MX2: variants seen among roughly 807,000 people sequenced by gnomAD.
MX2 encodes the protein interferon-induced GTP-binding protein Mx2.
MX2 carries 51 observed loss-of-function variants against 74.0 expected under a neutral mutation model. That is an observed-to-expected ratio of 0.69 (90% confidence interval 0.55 to 0.87). The LOEUF (loss-of-function observed/expected upper bound fraction) is 0.87. MX2 is among the 40% of genes least tolerant of loss of function. The pLI, the probability that MX2 is intolerant of heterozygous loss-of-function variation, is 0.00. For synonymous variants in MX2, 369 were observed against 339.3 expected (o/e 1.09, Z -0.96); for missense variants, 832 against 908.7 (o/e 0.92, Z 1.09).
Position 41,380,817 on chromosome 21 carries a change from G to A in MX2, c.577+666G>A, listed in dbSNP as rs907291720. On this transcript the variant is annotated intron_variant, in intron 4 of 13. Coordinates refer to ENST00000330714, the MANE Select transcript of MX2 (RefSeq NM_002463.2). This position sits in a 1 kb window ranked among gnomAD's most constrained non-coding sequence, Gnocchi z 4.3. ...CCCTAGTGGTTACGTCCCTTGGAGTGCACAGCCCTGCCTGCCCCAGGCACT... is the reference window on the plus strand; with the variant it reads ...CCCTAGTGGTTACGTCCCTTGGAGTACACAGCCCTGCCTGCCCCAGGCACT... 5.3e-5 allele frequency among the ~76,000 whole-genome samples: 8 copies of A among 152,320 alleles called. No individual in the cohort carries two copies. Among genetic ancestry groups the A allele is most frequent in the East Asian group, 1.9e-4 (1 of 5,176 alleles).
In MX2 at chr21:41,374,834, G is replaced by T. The variant is rs543637407; in HGVS notation, c.-71-2002G>T. 1.6e-4 allele frequency among the ~76,000 whole-genome samples: 25 copies of T among 152,200 alleles called. No homozygotes were observed. The South Asian group carries it at 5.2e-3, about 32-fold the overall frequency. The stretch of plus-strand genomic sequence containing the variant: ...CTTACCTCTTCTTCATGCCCTTCCT[G>T]GTCCATGGCTGTGTCCTTTATTGTA... On this transcript the variant is annotated intron_variant, in intron 1 of 13. Coordinates refer to ENST00000330714, the MANE Select transcript of MX2 (RefSeq NM_002463.2).
chr21:41,372,269 C>T (rs1009698588), intron 1 of MX2, among the ~76,000 whole-genome samples: 6 of 152,184 alleles, frequency 3.9e-5, no homozygotes, highest in Admixed American at 6.5e-5. Flanking sequence ...GCATGTAAAA[C>T]TTAATTTACC....
At chr21:41,394,938 A>AAGAGAGAG (rs372983367) in intron 6 of MX2, among the ~76,000 whole-genome samples, 1 of 148,268 alleles carries the variant, frequency 6.7e-6, no homozygotes, top group African/African-American at 2.5e-5. Context: ...TCAAAAAAGA[A>AAGAGAGAG]AGAGAGAGAG....
chr21:41,399,393 G>C (rs1230044878), intron 10 of MX2, 56 bp downstream of exon 10: 2 of 1,553,964 alleles, frequency 1.3e-6, no homozygotes, highest in Admixed American at 1.8e-5. Context: ...CAGACCAGAG[G>C]CTATGTCCAG....
Position 41,380,163 on chromosome 21 carries a change from TC to T in MX2, c.577+13del, listed in dbSNP as rs1186109393. The T allele has an allele frequency of 6.2e-7, 1 of 1,613,476 alleles. No individual in the cohort carries two copies. Among genetic ancestry groups the T allele is most frequent in the Admixed American group, 1.7e-5 (1 of 59,920 alleles). The stretch of plus-strand genomic sequence containing the variant: ...AGAGATACACAAAGGTGGGCCCACG[TC>T]ATTCTGAGGTTCGGATCTGGCAGCC... On this transcript the variant is annotated intron_variant, in intron 4 of 13. Coordinates refer to ENST00000330714, the MANE Select transcript of MX2 (RefSeq NM_002463.2). This position sits in a 1 kb window ranked among gnomAD's most constrained non-coding sequence, Gnocchi z 4.3.
At chr21:41,386,716 G>A (rs1477793372) in intron 5 of MX2, among the ~76,000 whole-genome samples, 3 of 152,180 alleles carry the variant, frequency 2.0e-5, no homozygotes, top group African/African-American at 7.2e-5. Flanking sequence ...AGCCATTGCT[G>A]GGAATTCCTC....
At chr21:41,398,818 G>T in intron 8 of MX2, 79 bp from the exon 9 acceptor site, 7 of 1,552,224 alleles carry the variant, frequency 4.5e-6, no homozygotes, top group Non-Finnish European at 6.1e-6. Flanking sequence ...GCTTTAAAGG[G>T]CTCCTACTCA....
chr21:41,372,101 T>C (rs758041518), intron 1 of MX2, among the ~76,000 whole-genome samples: 64 of 152,194 alleles, frequency 4.2e-4, no homozygotes, highest in Non-Finnish European at 5.9e-5. Context: ...ATGCTGAGAA[T>C]AGAAAGTCTA....
At chr21:41,369,496 G>A (rs2089296668) in intron 1 of MX2, among the ~76,000 whole-genome samples, 2 of 152,198 alleles carry the variant, frequency 1.3e-5, no homozygotes, top group African/African-American at 2.4e-5. Context: ...ATCTGGGGAT[G>A]AGGCTGGCCG....
intron 11 of MX2, 161 bp from the exon 12 acceptor site, chr21:41,403,106 C>T: frequency 1.7e-6 from 1 of 601,084 alleles, no homozygotes; most frequent in Non-Finnish European, 3.0e-6. Flanking sequence ...GGAATGATGT[C>T]CCACCCTCTC....
At chr21:41,405,074 C>T (rs188726246) in intron 12 of MX2, among the ~76,000 whole-genome samples, 12 of 151,796 alleles carry the variant, frequency 7.9e-5, no homozygotes, top group East Asian at 3.9e-4. Flanking sequence ...TTTGGGAGGC[C>T]GAGGCGGGCA....
intron 5 of MX2, among the ~76,000 whole-genome samples, chr21:41,385,178 G>C (rs2089554487): frequency 6.6e-6 from 1 of 152,204 alleles, no homozygotes; most frequent in Non-Finnish European, 1.5e-5. Context: ...GGCACAAGCA[G>C]CTTAGCTTTT....
chr21:41,393,208 G>GATTATAAT (rs2089687157), intron 6 of MX2, among the ~76,000 whole-genome samples: 1 of 149,714 alleles, frequency 6.7e-6, no homozygotes, highest in Admixed American at 6.6e-5. Flanking sequence ...GAGCAAATTT[G>GATTATAAT]ATTATAATAT....
chr21:41,399,108 G>T lies in MX2; in HGVS notation c.1273-88G>T, dbSNP rs1358564116. On this transcript the variant is annotated intron_variant, in intron 9 of 13. Coordinates refer to ENST00000330714, the MANE Select transcript of MX2 (RefSeq NM_002463.2). ...TTCCCCTTCTTCACCCATGAGATGAGGTGGGCGGGTGGACATCTCCTTGCA... is the reference window on the plus strand; with the variant it reads ...TTCCCCTTCTTCACCCATGAGATGATGTGGGCGGGTGGACATCTCCTTGCA... 32 of 1,594,714 alleles carry T rather than the reference G, an allele frequency of 2.0e-5. 1 individual carries two copies. Among genetic ancestry groups the T allele is most frequent in the Non-Finnish European group, 2.7e-5 (32 of 1,168,112 alleles).
chr21:41,371,966 T>C (rs1387267552), intron 1 of MX2, among the ~76,000 whole-genome samples: 1 of 152,118 alleles, frequency 6.6e-6, no homozygotes. Context: ...TCAGCTTCAG[T>C]GTGTGATTGA....
Position 41,406,851 on chromosome 21 carries a change from T to C in MX2, c.1758T>C (p.Ser586=), listed in dbSNP as rs2089892804. ...TTTTTTGTCAAGATCAGATTTACAG[T>C]GTTGTTCTGAAGAAAGTCCGAGAAG... is the stretch of plus-strand genomic sequence containing the variant. ...QMVFCQDQIY[S]VVLKKVREEI... The change falls in exon 13 of 14, where the codon AGT becomes AGC. Residue 586 remains serine (S), a synonymous_variant. Transcript: ENST00000330714. 4 of 1,614,092 alleles carry C rather than the reference T, an allele frequency of 2.5e-6. No individual in the cohort carries two copies. Among genetic ancestry groups the C allele is most frequent in the Non-Finnish European group, 3.4e-6 (4 of 1,180,050 alleles).
intron 6 of MX2, among the ~76,000 whole-genome samples, chr21:41,392,050 C>T (rs764209732): frequency 2.0e-5 from 3 of 151,518 alleles, no homozygotes; most frequent in Non-Finnish European, 4.4e-5. Context: ...CATCCTTTAG[C>T]TCCCACTTAT....
At chr21:41,397,532 C>CAAAGT (rs1173143781) in intron 7 of MX2, 81 bp from the exon 8 acceptor site, 32 of 1,302,552 alleles carry the variant, frequency 2.5e-5, no homozygotes, top group Admixed American at 7.1e-5. Flanking sequence ...GAGCTGGGCT[C>CAAAGT]ACCTACCACG....
chr21:41,400,621 C>T (rs1233100513), intron 10 of MX2, among the ~76,000 whole-genome samples: 1 of 150,808 alleles, frequency 6.6e-6, no homozygotes, highest in African/African-American at 2.4e-5. Flanking sequence ...GAAAACTTAA[C>T]AATCATAGCA....
Sources: gnomAD v4.1 joint callset for allele counts (sites outside exome capture counted in the v4.1 genomes callset) on GRCh38, gnomAD v4.1.1 for gene constraint, Gnocchi (gnomAD v3.1) non-coding constraint, MANE v1.5 for transcripts, NCBI Gene and HGNC (gene_info 2026-07-23, HGNC 2026-07-21) for gene names.